Variants in MB21D2 observed in about 807,000 individuals in gnomAD.
The protein encoded by MB21D2 is Mab-21 domain containing 2.
MB21D2 carries 9 observed loss-of-function variants against 33.3 expected under a neutral mutation model. The ratio of observed to expected loss-of-function variants is 0.27; its 90% CI spans 0.16 to 0.47. The LOEUF is 0.47. MB21D2 is among the 20% of genes least tolerant of loss of function. The pLI is 0.99. For missense variants in MB21D2, 540 were observed against 624.6 expected (o/e 0.86, Z 1.44); for synonymous variants, 241 against 236.3 (o/e 1.02, Z -0.18).
intron 1 of MB21D2, among the ~76,000 whole-genome samples, chr3:192,891,435 G>A (rs1042561556): frequency 6.6e-6 from 1 of 152,136 alleles, no homozygotes; most frequent in Non-Finnish European, 1.5e-5. Flanking sequence ...GGTATCATAA[G>A]AGGCACTGGA....
chr3:192,859,655 G>A (rs1390051925), intron 1 of MB21D2, among the ~76,000 whole-genome samples: 1 of 152,108 alleles, frequency 6.6e-6, no homozygotes, highest in Non-Finnish European at 1.5e-5. Context: ...GACATATTAG[G>A]TACTCAATAA....
intron 1 of MB21D2, among the ~76,000 whole-genome samples, chr3:192,800,992 CGAT>C (rs1234771590): frequency 6.6e-5 from 10 of 152,116 alleles, no homozygotes; most frequent in Non-Finnish European, 1.3e-4. Context: ...ATTAAATTGG[CGAT>C]GATATTAACA....
At chr3:192,818,881 C>A (rs1711983375) in intron 1 of MB21D2, among the ~76,000 whole-genome samples, 1 of 152,170 alleles carries the variant, frequency 6.6e-6, no homozygotes, top group Non-Finnish European at 1.5e-5. Context: ...AGAAGGCCAA[C>A]TGCTGGTCTT....
At chr3:192,821,954 C>T (rs1712068619) in intron 1 of MB21D2, among the ~76,000 whole-genome samples, 1 of 152,094 alleles carries the variant, frequency 6.6e-6, no homozygotes, top group Non-Finnish European at 1.5e-5. Context: ...CTCCCCAAAC[C>T]CAAGATAATA....
intron 1 of MB21D2, among the ~76,000 whole-genome samples, chr3:192,859,408 G>A (rs1416277755): frequency 1.3e-5 from 2 of 152,106 alleles, no homozygotes; most frequent in Non-Finnish European, 1.5e-5. Flanking sequence ...AGTGCCAGAT[G>A]AGGAGCGGGG....
At chr3:192,853,947 T>C (rs991866629) in intron 1 of MB21D2, among the ~76,000 whole-genome samples, 60 of 152,328 alleles carry the variant, frequency 3.9e-4, no homozygotes, top group African/African-American at 1.4e-3. Context: ...ACACTCATAG[T>C]GTGTTCTGAC....
chr3:192,908,416 T>TTTTA (rs1305089215), intron 1 of MB21D2, among the ~76,000 whole-genome samples: 1 of 147,792 alleles, frequency 6.8e-6, no homozygotes, highest in Non-Finnish European at 1.5e-5. Context: ...TTTTTTTTTT[T>TTTTA]GAGACAGAGT....
intron 1 of MB21D2, among the ~76,000 whole-genome samples, chr3:192,853,740 T>C (rs1712855805): frequency 1.3e-5 from 2 of 152,226 alleles, no homozygotes; most frequent in African/African-American, 4.8e-5. Context: ...AGTTGTGTTT[T>C]TTACAAATTG....
intron 1 of MB21D2, among the ~76,000 whole-genome samples, chr3:192,801,878 A>G (rs1475976667): frequency 6.6e-6 from 1 of 152,248 alleles, no homozygotes; most frequent in East Asian, 1.9e-4. Flanking sequence ...TTAACCATGA[A>G]AAAGTCTTTT....
intron 1 of MB21D2, among the ~76,000 whole-genome samples, chr3:192,913,676 T>C (rs186332228): frequency 1.0e-3 from 156 of 151,940 alleles, no homozygotes; most frequent in Admixed American, 6.7e-3. Flanking sequence ...TTTTAAAAAA[T>C]AAAAAATTAG....
At chr3:192,810,019 A>G (rs758341737) in intron 1 of MB21D2, among the ~76,000 whole-genome samples, 1 of 152,206 alleles carries the variant, frequency 6.6e-6, no homozygotes, top group Non-Finnish European at 1.5e-5. Context: ...CTAAGTTTAT[A>G]CTACTAGGTT....
intron 1 of MB21D2, among the ~76,000 whole-genome samples, chr3:192,916,923 G>A (rs1356977127): frequency 1.3e-5 from 2 of 152,232 alleles, no homozygotes; most frequent in Non-Finnish European, 2.9e-5. Flanking sequence ...TCCGCGCCTA[G>A]TCACGGAAGA....
At chr3:192,885,115 T>C (rs1713704249) in intron 1 of MB21D2, among the ~76,000 whole-genome samples, 1 of 152,050 alleles carries the variant, frequency 6.6e-6, no homozygotes, top group Non-Finnish European at 1.5e-5. Context: ...ATAGCAAGGG[T>C]TAGACTAAAG....
intron 1 of MB21D2, among the ~76,000 whole-genome samples, chr3:192,854,714 G>A (rs1043088297): frequency 5.9e-5 from 9 of 152,224 alleles, no homozygotes; most frequent in Non-Finnish European, 1.2e-4. Flanking sequence ...AGCTAATGCA[G>A]CTGGTGACTT....
Position 192,798,213 on chromosome 3 carries a change from T to C in MB21D2, c.*173A>G, listed in dbSNP as rs911215619. On this transcript the variant is annotated 3_prime_UTR_variant, in exon 2 of 2. Coordinates refer to ENST00000392452, the MANE Select transcript of MB21D2 (RefSeq NM_178496.4). The surrounding 1 kb of genome is among the most constrained non-coding windows in gnomAD (Gnocchi z 4.8). ...ACGAAATCAGAGGCAGAATATGAAA[T>C]AGTAATATACTGTTTCAGAGCCTGC... 1.6e-6 allele frequency: 1 copy of C among 613,564 alleles called. No individual in the cohort carries two copies. The highest frequency in any genetic ancestry group is 2.6e-5 in the South Asian group (1 of 38,416). 38.0% of individuals were successfully genotyped at this position (613,564 alleles called of 1,614,324 possible).
chr3:192,808,245 G>A (rs1272850837), intron 1 of MB21D2, among the ~76,000 whole-genome samples: 1 of 152,182 alleles, frequency 6.6e-6, no homozygotes, highest in Non-Finnish European at 1.5e-5. Context: ...TATGCTGCAT[G>A]AACAGCTCCC....
intron 1 of MB21D2, among the ~76,000 whole-genome samples, chr3:192,858,882 A>C (rs1712976232): frequency 6.6e-6 from 1 of 152,214 alleles, no homozygotes; most frequent in African/African-American, 2.4e-5. Context: ...TAAACCATGA[A>C]ACAATCTGTG....
At chr3:192,816,212 ATT>A (rs112404939) in intron 1 of MB21D2, among the ~76,000 whole-genome samples, 2,331 of 120,538 alleles carry the variant, frequency 0.019, 58 homozygotes, top group African/African-American at 0.073. Context: ...CGAGAGGACA[ATT>A]TTTTTTTTTA....
intron 1 of MB21D2, among the ~76,000 whole-genome samples, chr3:192,832,464 A>T (rs1712335831): frequency 6.6e-6 from 1 of 152,224 alleles, no homozygotes; most frequent in Admixed American, 6.5e-5. Flanking sequence ...TTCAATGTTT[A>T]TAATATTTAA....
Sources: allele counts gnomAD v4.1 joint callset (sites outside exome capture counted in the v4.1 genomes callset), GRCh38; gene constraint gnomAD v4.1.1; non-coding constraint Gnocchi (gnomAD v3.1); transcripts MANE v1.5; gene names NCBI Gene and HGNC (gene_info 2026-07-23, HGNC 2026-07-21).